Variants in CNTN5 observed in about 807,000 individuals in gnomAD.
The protein encoded by CNTN5 is contactin-5.
CNTN5 carries 77 observed loss-of-function variants against 129.1 expected under a neutral mutation model. The ratio of observed to expected loss-of-function variants is 0.60; its 90% confidence interval spans 0.50 to 0.72. The LOEUF is 0.72. CNTN5 is among the 30% of genes least tolerant of loss of function. CNTN5 has a pLI of 0.00. For synonymous variants in CNTN5, 509 were observed against 465.6 expected, an observed-to-expected ratio of 1.09 and a Z score of -1.20; for missense variants, 1,478 against 1,328.8, an observed-to-expected ratio of 1.11 and a Z score of -1.75.
chr11:100,082,779 T>C (rs907008797), intron 13 of CNTN5, among the ~76,000 whole-genome samples: 1 of 152,162 alleles, frequency 6.6e-6, no homozygotes, highest in Non-Finnish European at 1.5e-5. Flanking sequence ...AGGTTATCTC[T>C]GAGAAGAGGA....
At chr11:100,297,437 T>TG (rs1951120395) in intron 18 of CNTN5, among the ~76,000 whole-genome samples, 188 bp from the exon 19 acceptor site, 2 of 151,384 alleles carry the variant, frequency 1.3e-5, no homozygotes, top group African/African-American at 2.4e-5. Flanking sequence ...TAAGTGGTCA[T>TG]GAAAAAAAAA....
At chr11:99,176,437 G>A (rs1030542174) in intron 1 of CNTN5, among the ~76,000 whole-genome samples, 1 of 152,092 alleles carries the variant, frequency 6.6e-6, no homozygotes, top group African/African-American at 2.4e-5. Flanking sequence ...CTACTTGAAT[G>A]TATAATAGAC....
chr11:99,694,411 CT>C (rs907330795), intron 3 of CNTN5, among the ~76,000 whole-genome samples: 14 of 152,086 alleles, frequency 9.2e-5, no homozygotes, highest in African/African-American at 3.1e-4. Flanking sequence ...ATCATGTAGC[CT>C]TTACAGAAAA....
intron 6 of CNTN5, among the ~76,000 whole-genome samples, chr11:99,894,008 T>C (rs987097345): frequency 3.9e-5 from 6 of 152,092 alleles, no homozygotes; most frequent in East Asian, 3.9e-4. Flanking sequence ...GTTTTTTTTT[T>C]CCAAAAGGGA....
At chr11:100,310,096 A>G (rs1249926784) in intron 21 of CNTN5, among the ~76,000 whole-genome samples, 1 of 151,850 alleles carries the variant, frequency 6.6e-6, no homozygotes, top group Non-Finnish European at 1.5e-5. Context: ...AAGCATCCTC[A>G]CAGTAAATAA....
chr11:99,047,643 A>G (rs1864267320), intron 1 of CNTN5, among the ~76,000 whole-genome samples: 1 of 152,086 alleles, frequency 6.6e-6, no homozygotes, highest in Non-Finnish European at 1.5e-5. Flanking sequence ...ATAACTCGTT[A>G]TTAATGGAAT....
intron 1 of CNTN5, among the ~76,000 whole-genome samples, chr11:99,299,471 T>C (rs1156756343): frequency 1.3e-5 from 2 of 152,092 alleles, no homozygotes; most frequent in East Asian, 1.9e-4. Flanking sequence ...AATTGTGAAC[T>C]TAGAGGTAAA....
chr11:99,115,466 G>C (rs1258167981), intron 1 of CNTN5, among the ~76,000 whole-genome samples: 1 of 152,040 alleles, frequency 6.6e-6, no homozygotes, highest in Non-Finnish European at 1.5e-5. Flanking sequence ...TCTTAGAAAA[G>C]ATAAAATACT....
At chr11:99,218,041 C>A (rs184882351) in intron 1 of CNTN5, among the ~76,000 whole-genome samples, 1 of 152,142 alleles carries the variant, frequency 6.6e-6, no homozygotes. Context: ...CATTTATTTT[C>A]TCCAATTGCT....
chr11:100,245,656 C>A (rs1326358504), intron 16 of CNTN5, among the ~76,000 whole-genome samples: 2 of 152,010 alleles, frequency 1.3e-5, no homozygotes, highest in Non-Finnish European at 2.9e-5. Context: ...TATTATTTGC[C>A]CCTGCTCATA....
chr11:100,026,282 T>C (rs912085779), intron 9 of CNTN5, among the ~76,000 whole-genome samples: 1 of 152,066 alleles, frequency 6.6e-6, no homozygotes, highest in African/African-American at 2.4e-5. Context: ...TCTTCTTCAC[T>C]TTCCACCAAG....
intron 9 of CNTN5, among the ~76,000 whole-genome samples, chr11:100,028,836 A>G (rs551420801): frequency 3.3e-5 from 5 of 152,306 alleles, no homozygotes; most frequent in Admixed American, 1.3e-4. Flanking sequence ...TTTCCCAAAC[A>G]TTGTTTCAGG....
intron 13 of CNTN5, among the ~76,000 whole-genome samples, chr11:100,110,008 T>C (rs1945591329): frequency 6.6e-6 from 1 of 151,862 alleles, no homozygotes; most frequent in Non-Finnish European, 1.5e-5. Flanking sequence ...TGAAACCCTG[T>C]CTCTACCAGA....
intron 6 of CNTN5, among the ~76,000 whole-genome samples, chr11:99,852,358 T>G (rs1947899374): frequency 6.6e-6 from 1 of 152,208 alleles, no homozygotes; most frequent in Admixed American, 6.5e-5. Flanking sequence ...TTTAAAATAC[T>G]GTATAGATGG....
intron 1 of CNTN5, among the ~76,000 whole-genome samples, chr11:99,133,462 A>G (rs1346909823): frequency 6.6e-6 from 1 of 152,098 alleles, no homozygotes; most frequent in Non-Finnish European, 1.5e-5. Flanking sequence ...CATCAGGGCA[A>G]ACAGACAACC....
At chr11:99,570,222 A>G (rs1260256184) in intron 3 of CNTN5, among the ~76,000 whole-genome samples, 2 of 152,084 alleles carry the variant, frequency 1.3e-5, no homozygotes, top group Non-Finnish European at 1.5e-5. Context: ...GTACTGGCTC[A>G]CAGTGCCGTT....
At chr11:99,269,995 G>T (rs1221263479) in intron 1 of CNTN5, among the ~76,000 whole-genome samples, 1 of 151,758 alleles carries the variant, frequency 6.6e-6, no homozygotes, top group Non-Finnish European at 1.5e-5. Flanking sequence ...ACATGCTATG[G>T]ACTAGCCTTA....
At position 100,299,372 on chromosome 11, in the gene CNTN5, G is replaced by A; in HGVS notation, c.2596G>A (p.Val866Met). The change falls in exon 20 of 25, where the codon GTG becomes ATG. Residue 866 changes from valine (V) to methionine (M), a missense_variant. By Grantham distance (21) the Val-to-Met change is conservative. Coordinates refer to ENST00000524871, the MANE Select transcript of CNTN5 (RefSeq NM_014361.4). Reference protein sequence around the residue: ...NKGDGPFSQIVVICSAEGEPS... With the variant: ...NKGDGPFSQIMVICSAEGEPS... ...AGGAGATGGGCCTTTTAGTCAAATT[G>A]TGGTCATCTGTTCAGCTGAAGGAGG... The A allele has an allele frequency of 1.2e-6, 2 of 1,608,116 alleles. No individual in the cohort carries two copies. The highest frequency in any genetic ancestry group is 8.5e-7 in the Non-Finnish European group (1 of 1,176,270).
At position 99,187,553 on chromosome 11, in the gene CNTN5, A is replaced by T. The variant is rs543323295; in HGVS notation, c.-209-137793A>T. Among the ~76,000 whole-genome samples, 20 of 152,004 alleles carry T rather than the reference A, an allele frequency of 1.3e-4. No individual in the cohort carries two copies. In the South Asian group the frequency reaches 4.2e-3, roughly 32 times the overall value. ...CAAATTTAATATCAATGTTTTAACT[A>T]CTTCAATTTTATGTATTCTTATGAT... On this transcript the variant is annotated intron_variant, in intron 1 of 24. Coordinates refer to ENST00000524871, the MANE Select transcript of CNTN5 (RefSeq NM_014361.4).
Sources: allele counts gnomAD v4.1 joint callset (sites outside exome capture counted in the v4.1 genomes callset), GRCh38; gene constraint gnomAD v4.1.1; transcripts MANE v1.5; gene names NCBI Gene and HGNC (gene_info 2026-07-23, HGNC 2026-07-21).